Variants in DCLK2 observed in about 807,000 individuals in gnomAD.
DCLK2 encodes the protein serine/threonine-protein kinase DCLK2.
In DCLK2, 31 loss-of-function variants were observed where a neutral mutation model predicts 78.4. The ratio of observed to expected loss-of-function variants is 0.40; its 90% CI spans 0.30 to 0.53. DCLK2 has a LOEUF of 0.53. Ranked by LOEUF, DCLK2 falls within the 20% of genes least tolerant of loss-of-function variation. The pLI, the probability that DCLK2 is intolerant of heterozygous loss-of-function variation, is 0.61. For synonymous variants in DCLK2, 407 were observed against 374.9 expected (o/e 1.09, Z -0.99); for missense variants, 872 against 973.7 (o/e 0.90, Z 1.39).
At chr4:150,084,817 G>T (rs1056607205) in intron 1 of DCLK2, among the ~76,000 whole-genome samples, 1 of 152,202 alleles carries the variant, frequency 6.6e-6, no homozygotes, top group African/African-American at 2.4e-5. Context: ...TTGCTGCGGG[G>T]TGTGTACCGC....
chr4:150,101,434 T>G (rs1730884023), intron 1 of DCLK2, among the ~76,000 whole-genome samples: 1 of 152,160 alleles, frequency 6.6e-6, no homozygotes, highest in Admixed American at 6.5e-5. Context: ...CTTTCACTAT[T>G]TGGGTTACTT....
chr4:150,206,742 G>T (rs963216635), intron 5 of DCLK2, among the ~76,000 whole-genome samples: 5 of 151,974 alleles, frequency 3.3e-5, no homozygotes, highest in African/African-American at 1.2e-4. Flanking sequence ...CTGCCACACT[G>T]ATTCAGCTTT....
At chr4:150,234,291 G>A (rs910585027) in intron 10 of DCLK2, among the ~76,000 whole-genome samples, 2 of 152,308 alleles carry the variant, frequency 1.3e-5, no homozygotes, top group Middle Eastern at 3.4e-3. Context: ...CACTTGCTAC[G>A]GTGTTGTGAT....
chr4:150,183,050 C>T (rs556056201), intron 2 of DCLK2, among the ~76,000 whole-genome samples: 26 of 152,260 alleles, frequency 1.7e-4, no homozygotes, highest in African/African-American at 5.3e-4. Context: ...CTATTCTATA[C>T]TCCTGATATC....
intron 4 of DCLK2, among the ~76,000 whole-genome samples, chr4:150,203,128 A>G (rs542840727): frequency 8.3e-4 from 126 of 152,326 alleles, no homozygotes; most frequent in Middle Eastern, 6.8e-3. Context: ...GCAGATGTGT[A>G]GAAAACTACC....
chr4:150,109,012 A>T (rs941218068), intron 2 of DCLK2, among the ~76,000 whole-genome samples: 1 of 152,144 alleles, frequency 6.6e-6, no homozygotes, highest in Non-Finnish European at 1.5e-5. Context: ...CTTATCAGTC[A>T]TATTAGAGTT....
chr4:150,187,671 G>C (rs1488408013), intron 2 of DCLK2, among the ~76,000 whole-genome samples: 1 of 152,116 alleles, frequency 6.6e-6, no homozygotes, highest in Non-Finnish European at 1.5e-5. Flanking sequence ...GTAGCACCTA[G>C]AATAGTGCCT....
intron 2 of DCLK2, among the ~76,000 whole-genome samples, chr4:150,156,483 A>AAAATAAATAAATAAATAAATAAAT (rs545633598): frequency 1.4e-5 from 2 of 143,188 alleles, no homozygotes; most frequent in South Asian, 2.4e-4. Flanking sequence ...CGTCTCTACC[A>AAAATAAATAAATAAATAAATAAAT]AAATAAATAA....
chr4:150,235,950 T>C (rs1328938973), intron 10 of DCLK2, among the ~76,000 whole-genome samples: 1 of 152,196 alleles, frequency 6.6e-6, no homozygotes, highest in Non-Finnish European at 1.5e-5. Flanking sequence ...AGTTACAGCC[T>C]GGTGGTACCG....
intron 2 of DCLK2, among the ~76,000 whole-genome samples, chr4:150,126,275 A>G (rs1009166218): frequency 3.9e-5 from 6 of 152,250 alleles, no homozygotes; most frequent in African/African-American, 1.2e-4. Context: ...TAGGCACTCT[A>G]CGAGACACAT....
chr4:150,188,891 C>T (rs1426951255), intron 2 of DCLK2, among the ~76,000 whole-genome samples: 23 of 121,632 alleles, frequency 1.9e-4, no homozygotes, highest in East Asian at 9.6e-4. Flanking sequence ...GGTGACAGAG[C>T]GAGACTCTGT....
chr4:150,147,890 G>A (rs1240582261), intron 2 of DCLK2, among the ~76,000 whole-genome samples: 1 of 151,968 alleles, frequency 6.6e-6, no homozygotes, highest in African/African-American at 2.4e-5. Flanking sequence ...TATTGGCAAA[G>A]TATTGAGAAA....
chr4:150,181,569 A>G (rs534149217), intron 2 of DCLK2, among the ~76,000 whole-genome samples: 2 of 152,078 alleles, frequency 1.3e-5, no homozygotes, highest in Non-Finnish European at 2.9e-5. Flanking sequence ...TAACTGGTGA[A>G]TAGTTATTAT....
At chr4:150,140,531 A>T (rs565543832) in intron 2 of DCLK2, among the ~76,000 whole-genome samples, 2 of 152,310 alleles carry the variant, frequency 1.3e-5, no homozygotes, top group African/African-American at 4.8e-5. Context: ...TGCTTGGAAG[A>T]AATGGACTTT....
intron 5 of DCLK2, among the ~76,000 whole-genome samples, chr4:150,217,380 A>G (rs891751895): frequency 1.3e-4 from 20 of 152,142 alleles, no homozygotes; most frequent in African/African-American, 4.6e-4. Context: ...CTTTTCTTCT[A>G]CCTCTGGAAA....
At chr4:150,091,204 C>T (rs1171821534) in intron 1 of DCLK2, among the ~76,000 whole-genome samples, 1 of 152,204 alleles carries the variant, frequency 6.6e-6, no homozygotes, top group African/African-American at 2.4e-5. Flanking sequence ...TCCACCCGGT[C>T]TCACACAAAC....
intron 10 of DCLK2, among the ~76,000 whole-genome samples, chr4:150,238,073 T>G (rs1171737221): frequency 6.6e-6 from 1 of 152,214 alleles, no homozygotes; most frequent in Non-Finnish European, 1.5e-5. Flanking sequence ...TGCTTATATA[T>G]GAAATTATTA....
intron 15 of DCLK2, among the ~76,000 whole-genome samples, chr4:150,253,084 C>T (rs895609764): frequency 6.8e-6 from 1 of 147,526 alleles, no homozygotes; most frequent in African/African-American, 2.4e-5. Flanking sequence ...TCCTCGTCCT[C>T]CTCATCCTCC....
At chr4:150,098,547 G>A (rs1730631235) in intron 1 of DCLK2, among the ~76,000 whole-genome samples, 1 of 152,088 alleles carries the variant, frequency 6.6e-6, no homozygotes, top group Non-Finnish European at 1.5e-5. Flanking sequence ...AGCTTTTGGG[G>A]TACGAGTGGT....
Sources: gnomAD v4.1 joint callset for allele counts (sites outside exome capture counted in the v4.1 genomes callset) on GRCh38, gnomAD v4.1.1 for gene constraint, MANE v1.5 for transcripts, NCBI Gene and HGNC (gene_info 2026-07-23, HGNC 2026-07-21) for gene names.